Variants in CHD8 observed in about 807,000 individuals in gnomAD.
The protein encoded by CHD8 is chromodomain helicase DNA binding protein 8, also known as ATP-dependent chromatin remodeler CHD8.
Under a neutral mutation model 279.2 loss-of-function variants are expected in CHD8, and 31 were observed. The observed-to-expected ratio is 0.11, with a 90% CI of 0.08 to 0.15. The LOEUF (loss-of-function observed/expected upper bound fraction) is 0.15. Among genes scored for constraint, CHD8 ranks in the 10% least tolerant of loss-of-function variants. The pLI is 1.00. For missense variants in CHD8, 2,146 were observed against 3,230.5 expected (o/e 0.66, Z 8.14); for synonymous variants, 1,081 against 1,139.6 (o/e 0.95, Z 1.04).
At chr14:21,425,357 C>T (rs1048825351) in intron 5 of CHD8, 1 of 148,224 alleles carries the variant, frequency 6.7e-6, no homozygotes, top group African/African-American at 2.5e-5. Flanking sequence ...CAGAGACTCG[C>T]TCTGTTGCCC....
chr14:21,403,730 C>G lies in CHD8; in HGVS notation c.3308-67G>C. The G allele has an allele frequency of 7.7e-7, 1 of 1,304,098 alleles. No homozygotes were observed. The highest frequency in any genetic ancestry group is 1.3e-5 in the South Asian group (1 of 76,460). 80.8% of individuals were successfully genotyped at this position (1,304,098 alleles called of 1,614,324 possible). A position where few individuals can be genotyped will look rare whatever the true frequency, so the allele number is the denominator to read the frequency against. On this transcript the variant is annotated intron_variant, in intron 16 of 37. Coordinates refer to ENST00000646647, the MANE Select transcript of CHD8 (RefSeq NM_001170629.2). This position sits in a 1 kb window ranked among gnomAD's most constrained non-coding sequence, Gnocchi z 4.3. ...CATATTAAGGTTGTAGTCTATTTAA[C>G]TAAGAAAGCAAAAGGAAAAAAATGT...
chr14:21,431,974 T>C, intron 1 of CHD8, 116 bp from the exon 2 acceptor site: 1 of 674,122 alleles, frequency 1.5e-6, no homozygotes, highest in East Asian at 2.7e-5. Context: ...AAGAGGGAAA[T>C]GTGAGGAAAT....
Position 21,403,280 on chromosome 14 carries a change from G to A in CHD8, c.3519-68C>T. ...AAGTGGAGACCAAAACAGCAGGCTA[G>A]GATCAATACCAGTACTCCCATATCA... On this transcript the variant is annotated intron_variant, in intron 17 of 37. Coordinates refer to ENST00000646647, the MANE Select transcript of CHD8 (RefSeq NM_001170629.2). The surrounding 1 kb of genome is among the most constrained non-coding windows in gnomAD (Gnocchi z 4.3). The A allele has an allele frequency of 6.8e-7, 1 of 1,476,352 alleles. No individual in the cohort carries two copies. The allele number at this position is 1,476,352 out of a possible 1,614,324, so 91.5% of individuals were successfully genotyped here.
chr14:21,386,160 G>C lies in CHD8; in HGVS notation c.7199C>G (p.Thr2400Arg). 1.9e-6 allele frequency: 3 copies of C among 1,551,872 alleles called. No individual in the cohort carries two copies. The highest frequency in any genetic ancestry group is 2.6e-6 in the Non-Finnish European group (3 of 1,147,062). The change falls in exon 38 of 38, where the codon ACG (threonine) becomes AGG (arginine). Residue 2400 changes from threonine (T) to arginine (R), a missense_variant. Transcript: ENST00000646647. ...RNGKKGHHTE[T>R]VFNRVLPGPI... ...CCCTGGCAAAACCCGGTTGAACACC[G>C]TTTCAGTGTGATGACCCTAGGAGGA...
At chr14:21,397,369 G>A (rs539476348) in intron 27 of CHD8, 1 of 518,742 alleles carries the variant, frequency 1.9e-6, no homozygotes, top group African/African-American at 1.9e-5. Context: ...CTACCTGGTG[G>A]CTCAGTATTA....
intron 27 of CHD8, 119 bp downstream of exon 27, chr14:21,397,704 G>T: frequency 9.7e-7 from 1 of 1,026,084 alleles, no homozygotes; most frequent in Non-Finnish European, 1.4e-6. Context: ...TCCTATTTTT[G>T]CTAAGGATCT....
intron 1 of CHD8, among the ~76,000 whole-genome samples, chr14:21,442,446 T>C (rs1388814152): frequency 6.6e-6 from 1 of 151,614 alleles, no homozygotes; most frequent in Non-Finnish European, 1.5e-5. Flanking sequence ...GCCTGGGCAA[T>C]AGAGTCTGAC....
In CHD8 at chr14:21,408,224, A is replaced by G; in HGVS notation, c.2730+88T>C. 5 of 1,463,648 alleles carry G rather than the reference A, an allele frequency of 3.4e-6. No individual in the cohort carries two copies. The highest frequency in any genetic ancestry group is 4.6e-6 in the Non-Finnish European group (5 of 1,088,624). The allele number at this position is 1,463,648 out of a possible 1,614,324, so 90.7% of individuals were successfully genotyped here. On this transcript the variant is annotated intron_variant, in intron 13 of 37. Coordinates refer to ENST00000646647, the MANE Select transcript of CHD8 (RefSeq NM_001170629.2). The surrounding 1 kb of genome is among the most constrained non-coding windows in gnomAD (Gnocchi z 4.3). Reference sequence around the variant, plus strand: ...AGGCATATTGAAGACTTTCAATAAAAGTCTTCTATTCATATATAGCCCTTA... The same window carrying G: ...AGGCATATTGAAGACTTTCAATAAAGGTCTTCTATTCATATATAGCCCTTA...
chr14:21,435,611 C>T (rs1247609700), intron 1 of CHD8, among the ~76,000 whole-genome samples: 1 of 152,180 alleles, frequency 6.6e-6, no homozygotes, highest in African/African-American at 2.4e-5. Context: ...TACCTTTCAA[C>T]AAAGCAGTGA....
intron 1 of CHD8, among the ~76,000 whole-genome samples, chr14:21,439,337 C>T (rs1233678368): frequency 6.6e-6 from 1 of 152,164 alleles, no homozygotes; most frequent in African/African-American, 2.4e-5. Flanking sequence ...ACTGTTTTCC[C>T]ATTCACTGTG....
intron 1 of CHD8, among the ~76,000 whole-genome samples, chr14:21,433,628 A>G (rs1005736700): frequency 3.9e-5 from 6 of 152,188 alleles, no homozygotes; most frequent in African/African-American, 1.4e-4. Flanking sequence ...AGATACTCCA[A>G]AACAGACAAA....
chr14:21,391,601 C>T lies in CHD8; in HGVS notation c.6927G>A (p.Val2309=). The T allele has an allele frequency of 6.3e-7, 1 of 1,591,222 alleles. No individual in the cohort carries two copies. The highest frequency in any genetic ancestry group is 1.1e-5 in the South Asian group (1 of 90,024). Residue 2309 remains valine, a synonymous_variant, in exon 36 of 38, where the codon GTG becomes GTA. Transcript: ENST00000646647. ...TGACAGGGATCCGGGTCTCCAGGTC[C>T]ACATCAAGGTGATTAGGCTCTTCCA... ...ECMEEPNHLD[V]DLETRIPVIN...
chr14:21,426,367 T>C lies in CHD8; in HGVS notation c.1602-125A>G, dbSNP rs17197114. The stretch of plus-strand genomic sequence containing the variant: ...CAGAAGTTTTTAGATCTTCAGTCAA[T>C]AGGACACACAGCTACTAAATATGGT... On this transcript the variant is annotated intron_variant, in intron 4 of 37. Coordinates refer to ENST00000646647, the MANE Select transcript of CHD8 (RefSeq NM_001170629.2). The C allele has an allele frequency of 0.15, 88,796 of 610,298 alleles. 7,179 individuals are homozygous for C. Among genetic ancestry groups the C allele is most frequent in the Middle Eastern group, 0.18 (487 of 2,724 alleles). The allele number at this position is 610,298 out of a possible 1,614,324, so 37.8% of individuals were successfully genotyped here. A position where few individuals can be genotyped will look rare whatever the true frequency, so the allele number is the denominator to read the frequency against.
rs371689928 is a variant in CHD8 at position 21,397,808 on chromosome 14, A to C, written c.5051+15T>G. The C allele has an allele frequency of 2.5e-5, 41 of 1,611,590 alleles. No homozygotes were observed. In the African/African-American group the frequency reaches 4.7e-4, roughly 18 times the overall value. On this transcript the variant is annotated intron_variant, in intron 27 of 37. Coordinates refer to ENST00000646647, the MANE Select transcript of CHD8 (RefSeq NM_001170629.2). Reference sequence around the variant, plus strand: ...CACAAGTTAGAGTTTTAAAAGAACAAATACTAATGCTTACCCTTCTACTAT... The same window carrying C: ...CACAAGTTAGAGTTTTAAAAGAACACATACTAATGCTTACCCTTCTACTAT...
At chr14:21,446,134 G>A (rs909451131) in intron 1 of CHD8, among the ~76,000 whole-genome samples, 3 of 152,182 alleles carry the variant, frequency 2.0e-5, no homozygotes, top group Non-Finnish European at 4.4e-5. Context: ...AGAGGTTGCA[G>A]TGAGACAAGA....
Position 21,401,406 on chromosome 14 carries a change from G to T in CHD8, c.4170C>A (p.Ser1390Arg). 6.4e-7 allele frequency: 1 copy of T among 1,570,406 alleles called. No individual in the cohort carries two copies. Among genetic ancestry groups the T allele is most frequent in the Non-Finnish European group, 8.6e-7 (1 of 1,157,386 alleles). ...CTCCCTAAAAGAAGAAACTCACCTT[G>T]CTGTTGAGCAGATCCATGTCTAGGT... ...KADLDMDLLN[S>R]KNNLVIDTPR... Residue 1390 changes from serine (S) to arginine (R), a missense_variant, in exon 21 of 38, where the codon AGC (serine) becomes AGA (arginine). Around this residue, in one of 26 missense-constraint regions of CHD8, gnomAD observed 74 missense variants for 91.5 expected, o/e 0.81. Transcript: ENST00000646647.
At chr14:21,450,185 G>A (rs1366894251) in intron 1 of CHD8, among the ~76,000 whole-genome samples, 1 of 152,098 alleles carries the variant, frequency 6.6e-6, no homozygotes, top group Non-Finnish European at 1.5e-5. Context: ...CTTACCATTA[G>A]TGCTGTTTAC....
At chr14:21,418,377 G>C (rs1888840724) in intron 5 of CHD8, among the ~76,000 whole-genome samples, 1 of 151,962 alleles carries the variant, frequency 6.6e-6, no homozygotes, top group Non-Finnish European at 1.5e-5. Flanking sequence ...AAAATGAGAT[G>C]GGCATGGTGG....
Position 21,395,529 on chromosome 14 carries a change from T to C in CHD8, c.5128-177A>G, listed in dbSNP as rs554554049. ...ACAATCAACTAAAAGAACAAGAAAG[T>C]AGAACCTGAAAGGTCAGTTCCTATT... On this transcript the variant is annotated intron_variant, in intron 28 of 37. Coordinates refer to ENST00000646647, the MANE Select transcript of CHD8 (RefSeq NM_001170629.2). The C allele has an allele frequency of 4.3e-4, 259 of 607,026 alleles. No homozygotes were observed. In the African/African-American group the frequency reaches 4.3e-3, roughly 10 times the overall value. 37.6% of individuals were successfully genotyped at this position (607,026 alleles called of 1,614,324 possible).
Sources: gnomAD v4.1 joint callset for allele counts (sites outside exome capture counted in the v4.1 genomes callset) on GRCh38, gnomAD v4.1.1 for gene constraint, gnomAD v4.1.1 regional missense constraint, Gnocchi (gnomAD v3.1) non-coding constraint, MANE v1.5 for transcripts, NCBI Gene and HGNC (gene_info 2026-07-23, HGNC 2026-07-21) for gene names.